UNC5C: variants seen among roughly 807,000 people sequenced by gnomAD.
UNC5C encodes the protein unc-5 netrin receptor C, also known as netrin receptor UNC5C.
Under a neutral mutation model 99.8 loss-of-function variants are expected in UNC5C, and 47 were observed. That is an observed-to-expected ratio of 0.47 (90% CI 0.37 to 0.60). UNC5C has a LOEUF of 0.60. UNC5C is among the 20% of genes least tolerant of loss of function. The pLI is 0.00. For synonymous variants in UNC5C, 487 were observed against 452.2 expected (o/e 1.08, Z -0.98); for missense variants, 1,062 against 1,165.9 (o/e 0.91, Z 1.30).
Position 95,452,919 on chromosome 4 carries a change from C to T in UNC5C, c.124+95815G>A, listed in dbSNP as rs1440152434. Reference sequence around the variant, plus strand: ...CATTGCTGAAATGATACTCACTACTCTTTGTTGTGGGCAATCTGCCCATTA... The same window carrying T: ...CATTGCTGAAATGATACTCACTACTTTTTGTTGTGGGCAATCTGCCCATTA... On this transcript the variant is annotated intron_variant, in intron 1 of 15. Coordinates refer to ENST00000453304, the MANE Select transcript of UNC5C (RefSeq NM_003728.4). Among the ~76,000 whole-genome samples the T allele has an allele frequency of 2.0e-5, 3 of 152,150 alleles. No homozygotes were observed. In the East Asian group the frequency reaches 5.8e-4, roughly 29 times the overall value.
intron 1 of UNC5C, among the ~76,000 whole-genome samples, chr4:95,335,849 A>C (rs931886815): frequency 6.6e-6 from 1 of 151,874 alleles, no homozygotes; most frequent in Non-Finnish European, 1.5e-5. Context: ...ATCAGGGAGG[A>C]TAAGTAAGTT....
intron 7 of UNC5C, among the ~76,000 whole-genome samples, chr4:95,223,809 TAACAC>T (rs1033510849): frequency 2.6e-5 from 4 of 152,162 alleles, no homozygotes; most frequent in Non-Finnish European, 5.9e-5. Context: ...CCCAAAGACT[TAACAC>T]AAAACAAGTT....
At chr4:95,269,869 C>A (rs569420940) in intron 4 of UNC5C, among the ~76,000 whole-genome samples, 1 of 152,014 alleles carries the variant, frequency 6.6e-6, no homozygotes, top group Non-Finnish European at 1.5e-5. Flanking sequence ...TGCACCACCA[C>A]GCCCGGCTAA....
At chr4:95,385,069 C>T (rs1404633514) in intron 1 of UNC5C, among the ~76,000 whole-genome samples, 2 of 152,074 alleles carry the variant, frequency 1.3e-5, no homozygotes, top group Non-Finnish European at 2.9e-5. Context: ...AATGAGAAAT[C>T]CTCCAGACTG....
At chr4:95,198,597 C>A (rs2149358902) in intron 12 of UNC5C, among the ~76,000 whole-genome samples, 1 of 152,182 alleles carries the variant, frequency 6.6e-6, no homozygotes, top group African/African-American at 2.4e-5. Context: ...ACTGGTAGGG[C>A]AGGATCCACA....
intron 1 of UNC5C, among the ~76,000 whole-genome samples, chr4:95,456,786 A>G (rs919664340): frequency 6.6e-6 from 1 of 152,176 alleles, no homozygotes; most frequent in African/African-American, 2.4e-5. Context: ...TTCATTGATG[A>G]GACTTATACA....
chr4:95,464,106 C>A (rs1307524819), intron 1 of UNC5C, among the ~76,000 whole-genome samples: 3 of 152,086 alleles, frequency 2.0e-5, no homozygotes, highest in Non-Finnish European at 4.4e-5. Flanking sequence ...TATTACGTAA[C>A]AGAAAGGTGC....
At chr4:95,268,680 C>A (rs576016001) in intron 4 of UNC5C, among the ~76,000 whole-genome samples, 18 of 152,314 alleles carry the variant, frequency 1.2e-4, no homozygotes, top group South Asian at 8.3e-4. Context: ...GAAACGTTAA[C>A]ATAATTGGCA....
At chr4:95,381,601 T>C (rs1019451834) in intron 1 of UNC5C, among the ~76,000 whole-genome samples, 1 of 152,220 alleles carries the variant, frequency 6.6e-6, no homozygotes, top group Non-Finnish European at 1.5e-5. Flanking sequence ...ATTTGGAATA[T>C]GTCTAAACTC....
At chr4:95,546,219 A>G (rs1186263667) in intron 1 of UNC5C, among the ~76,000 whole-genome samples, 1 of 152,218 alleles carries the variant, frequency 6.6e-6, no homozygotes, top group Non-Finnish European at 1.5e-5. Context: ...CATCACCACA[A>G]GGAAATCATA....
intron 1 of UNC5C, among the ~76,000 whole-genome samples, chr4:95,504,221 T>C (rs1721850983): frequency 6.6e-6 from 1 of 152,112 alleles, no homozygotes; most frequent in Middle Eastern, 3.2e-3. Context: ...GCAAATGTAT[T>C]TCATTTTTCT....
intron 1 of UNC5C, among the ~76,000 whole-genome samples, chr4:95,493,851 T>C (rs1721566348): frequency 6.6e-6 from 1 of 151,480 alleles, no homozygotes; most frequent in Admixed American, 6.6e-5. Context: ...TTCTGCTATA[T>C]TAATAAACAA....
intron 3 of UNC5C, among the ~76,000 whole-genome samples, chr4:95,283,651 G>T (rs143658721): frequency 2.0e-5 from 3 of 152,194 alleles, no homozygotes; most frequent in Non-Finnish European, 4.4e-5. Flanking sequence ...AATGAAAAAC[G>T]AACACTTGTC....
intron 1 of UNC5C, among the ~76,000 whole-genome samples, chr4:95,485,756 T>C (rs527877510): frequency 8.2e-4 from 125 of 151,872 alleles, no homozygotes; most frequent in African/African-American, 2.9e-3. Flanking sequence ...ATAATTTATT[T>C]GTCATTAGAT....
intron 4 of UNC5C, among the ~76,000 whole-genome samples, chr4:95,251,655 T>G (rs1036865193): frequency 6.6e-6 from 1 of 152,164 alleles, no homozygotes; most frequent in Admixed American, 6.5e-5. Context: ...ACTCTCCTTT[T>G]GCATTAGGGT....
At chr4:95,306,545 G>A (rs1489956912) in intron 2 of UNC5C, among the ~76,000 whole-genome samples, 1 of 152,004 alleles carries the variant, frequency 6.6e-6, no homozygotes, top group African/African-American at 2.4e-5. Context: ...AGGTGACACT[G>A]AAAAAAATCA....
At chr4:95,205,980 T>C (rs961600958) in intron 11 of UNC5C, among the ~76,000 whole-genome samples, 1 of 151,696 alleles carries the variant, frequency 6.6e-6, no homozygotes, top group East Asian at 1.9e-4. Context: ...GACCTGCAAA[T>C]TATATACGTA....
At chr4:95,257,915 G>A (rs543341436) in intron 4 of UNC5C, among the ~76,000 whole-genome samples, 31 of 152,256 alleles carry the variant, frequency 2.0e-4, no homozygotes, top group African/African-American at 6.0e-4. Context: ...ATGATAAAGC[G>A]TTAATAAAAC....
At chr4:95,333,991 C>G (rs1242791915) in intron 2 of UNC5C, among the ~76,000 whole-genome samples, 1 of 151,976 alleles carries the variant, frequency 6.6e-6, no homozygotes, top group Non-Finnish European at 1.5e-5. Context: ...CTGAAGTAAG[C>G]TACCCTATAA....
Sources: gnomAD v4.1 joint callset for allele counts (sites outside exome capture counted in the v4.1 genomes callset) on GRCh38, gnomAD v4.1.1 for gene constraint, MANE v1.5 for transcripts, NCBI Gene and HGNC (gene_info 2026-07-23, HGNC 2026-07-21) for gene names.